LGSN: variants seen among roughly 807,000 people sequenced by gnomAD.
The protein encoded by LGSN is lengsin.
Under a neutral mutation model 19.5 loss-of-function variants are expected in LGSN, and 21 were observed. The ratio of observed to expected loss-of-function variants is 1.07; its 90% CI spans 0.76 to 1.55. The LOEUF (loss-of-function observed/expected upper bound fraction) is 1.55, where lower values mean the gene tolerates loss of function less well. Among genes scored for constraint, LGSN ranks in the 40% most tolerant of loss-of-function variants. LGSN has a pLI of 0.00. For missense variants in LGSN, 673 were observed against 608.5 expected (o/e 1.11, Z -1.12); for synonymous variants, 257 against 215.6 (o/e 1.19, Z -1.68).
the LGSN span, among the ~76,000 whole-genome samples, chr6:63,435,263 T>C: frequency 2.6e-5 from 4 of 152,180 alleles, no homozygotes; most frequent in African/African-American, 9.6e-5. Context: ...AGATCAACCT[T>C]GTTCAGCCAA....
At chr6:63,431,599 T>G in the LGSN span, among the ~76,000 whole-genome samples, 1 of 152,238 alleles carries the variant, frequency 6.6e-6, no homozygotes, top group African/African-American at 2.4e-5. Context: ...TTTTCCATTC[T>G]GTAAAATATA....
the LGSN span, chr6:63,572,363 G>A: frequency 3.3e-6 from 1 of 302,396 alleles, no homozygotes; most frequent in Non-Finnish European, 6.1e-6. Context: ...ACGTCCGGAG[G>A]GGGCGGGCCT....
chr6:63,358,302 T>A, the LGSN span, among the ~76,000 whole-genome samples: 4 of 152,194 alleles, frequency 2.6e-5, no homozygotes, highest in East Asian at 3.8e-4. Context: ...CTTAGGATTG[T>A]CTTGGCAATG....
At position 63,277,147 on chromosome 6, in the gene LGSN, G is replaced by C. The variant is rs1260694339; in HGVS notation, c.*2874C>G. The C allele has an allele frequency of 6.6e-6, 1 of 152,130 alleles. No individual in the cohort carries two copies. Among genetic ancestry groups the C allele is most frequent in the East Asian group, 1.9e-4 (1 of 5,200 alleles). 9.4% of individuals were successfully genotyped at this position (152,130 alleles called of 1,614,324 possible). A position where few individuals can be genotyped will look rare whatever the true frequency, so the allele number is the denominator to read the frequency against. On this transcript the variant is annotated 3_prime_UTR_variant, in exon 4 of 4. Transcript: ENST00000370657. Reference sequence around the variant, plus strand: ...CTTCACATGGCATCCTGAGTACTGTGTTTTTAAGTTATGCTAATAATGCGA... The same window carrying C: ...CTTCACATGGCATCCTGAGTACTGTCTTTTTAAGTTATGCTAATAATGCGA...
chr6:63,405,979 A>G, the LGSN span, among the ~76,000 whole-genome samples: 2,402 of 152,292 alleles, frequency 0.016, 74 homozygotes, highest in African/African-American at 0.054. Context: ...AGAGCTAACT[A>G]TCCTAAATAT....
the LGSN span, among the ~76,000 whole-genome samples, chr6:63,443,193 A>T: frequency 6.6e-6 from 1 of 152,178 alleles, no homozygotes; most frequent in African/African-American, 2.4e-5. Flanking sequence ...CCGGATGCTA[A>T]GCCCCTCATT....
chr6:63,480,860 G>C, the LGSN span, among the ~76,000 whole-genome samples: 1 of 145,936 alleles, frequency 6.9e-6, no homozygotes, highest in Non-Finnish European at 1.5e-5. Flanking sequence ...TATTTTTATA[G>C]CAACATAATT....
the LGSN span, among the ~76,000 whole-genome samples, chr6:63,400,403 C>A: frequency 6.6e-6 from 1 of 152,122 alleles, no homozygotes; most frequent in South Asian, 2.1e-4. Context: ...GAGGTCCTAC[C>A]AAAAGATGGA....
At chr6:63,547,964 A>G in the LGSN span, among the ~76,000 whole-genome samples, 3 of 152,254 alleles carry the variant, frequency 2.0e-5, no homozygotes, top group East Asian at 3.9e-4. Flanking sequence ...TCACCATTTC[A>G]TATTCCCTAG....
the LGSN span, among the ~76,000 whole-genome samples, chr6:63,472,917 G>C: frequency 2.6e-5 from 4 of 151,790 alleles, no homozygotes; most frequent in African/African-American, 7.3e-5. Flanking sequence ...CTCCAGCCTG[G>C]GCAACAGAGC....
At chr6:63,347,107 C>A in the LGSN span, among the ~76,000 whole-genome samples, 4 of 152,120 alleles carry the variant, frequency 2.6e-5, no homozygotes, top group Non-Finnish European at 5.9e-5. Flanking sequence ...CCACCAGAGA[C>A]ACCCAGTTGA....
chr6:63,420,939 A>C, the LGSN span, among the ~76,000 whole-genome samples: 2 of 152,162 alleles, frequency 1.3e-5, no homozygotes, highest in Non-Finnish European at 2.9e-5. Flanking sequence ...GAAGATAAAG[A>C]AAATGAAGAA....
At chr6:63,543,968 G>A in the LGSN span, among the ~76,000 whole-genome samples, 5 of 152,180 alleles carry the variant, frequency 3.3e-5, no homozygotes, top group African/African-American at 9.6e-5. Context: ...TAAAGAAATG[G>A]AGTAGTCCAG....
chr6:63,410,729 AC>A, the LGSN span, among the ~76,000 whole-genome samples: 1 of 152,204 alleles, frequency 6.6e-6, no homozygotes, highest in Non-Finnish European at 1.5e-5. Flanking sequence ...AAGGACAAGA[AC>A]CTATGACATG....
the LGSN span, among the ~76,000 whole-genome samples, chr6:63,559,045 T>C: frequency 3.9e-5 from 6 of 152,324 alleles, no homozygotes; most frequent in South Asian, 6.2e-4. Flanking sequence ...GCGAGAAGGA[T>C]AGATCATTTT....
At chr6:63,563,502 C>G in the LGSN span, among the ~76,000 whole-genome samples, 1 of 152,212 alleles carries the variant, frequency 6.6e-6, no homozygotes, top group Admixed American at 6.5e-5. Context: ...CCCCTGACTT[C>G]ACTGTCTAAA....
the LGSN span, among the ~76,000 whole-genome samples, chr6:63,345,142 A>G: frequency 1.3e-5 from 2 of 152,240 alleles, no homozygotes. Context: ...AAAAATTATT[A>G]GCAATATTAT....
the LGSN span, among the ~76,000 whole-genome samples, chr6:63,495,416 T>C: frequency 2.0e-5 from 3 of 151,492 alleles, no homozygotes; most frequent in East Asian, 5.8e-4. Flanking sequence ...CCAGTCCCTC[T>C]TCTCAAAGAT....
chr6:63,299,969 T>G (rs1768121967), intron 1 of LGSN, among the ~76,000 whole-genome samples: 1 of 152,234 alleles, frequency 6.6e-6, no homozygotes, highest in South Asian at 2.1e-4. Context: ...GGCTGGCTAC[T>G]GGGTTCCCCT....
Sources: allele counts gnomAD v4.1 joint callset (sites outside exome capture counted in the v4.1 genomes callset), GRCh38; gene constraint gnomAD v4.1.1; transcripts MANE v1.5; gene names NCBI Gene and HGNC (gene_info 2026-07-23, HGNC 2026-07-21).